Variants in LRP11 observed in about 807,000 individuals in gnomAD.
The protein encoded by LRP11 is low-density lipoprotein receptor-related protein 11.
A neutral mutation model predicts 43.1 loss-of-function variants in LRP11; 25 were observed. That is an observed-to-expected ratio of 0.58 (90% CI 0.42 to 0.81). The LOEUF (loss-of-function observed/expected upper bound fraction) is 0.81, where lower values mean the gene tolerates loss of function less well. Among genes scored for constraint, LRP11 ranks in the 30% least tolerant of loss-of-function variants. The probability of loss-of-function intolerance (pLI) is 0.00; values close to 1 mark genes in which losing one functional copy is unlikely to be tolerated. For synonymous variants in LRP11, 316 were observed against 299.4 expected, an observed-to-expected ratio of 1.06 and a Z score of -0.57; for missense variants, 623 against 665.1, an observed-to-expected ratio of 0.94 and a Z score of 0.70.
At chr6:149,845,108 G>A (rs970855205) in intron 2 of LRP11, among the ~76,000 whole-genome samples, 105 of 152,344 alleles carry the variant, frequency 6.9e-4, no homozygotes, top group Non-Finnish European at 1.4e-3. Context: ...CCAGCTGGCT[G>A]ATGATGTACA....
intron 3 of LRP11, among the ~76,000 whole-genome samples, chr6:149,837,760 A>G (rs1398407271): frequency 6.6e-6 from 1 of 152,036 alleles, no homozygotes; most frequent in Non-Finnish European, 1.5e-5. Flanking sequence ...TCCACCCTTG[A>G]TTCCCCGCCT....
At chr6:149,863,292 T>C in intron 1 of LRP11, 116 bp downstream of exon 1, 1 of 1,269,416 alleles carries the variant, frequency 7.9e-7, no homozygotes, top group Non-Finnish European at 1.0e-6. Flanking sequence ...CAGAAACTCT[T>C]CTGGGTGCCC....
At chr6:149,833,634 AT>A in intron 5 of LRP11, among the ~76,000 whole-genome samples, 1 of 152,198 alleles carries the variant, frequency 6.6e-6, no homozygotes, top group South Asian at 2.1e-4. Flanking sequence ...CTTTCTTTGT[AT>A]TTTTCTATAT....
chr6:149,836,064 G>A (rs746720603), intron 5 of LRP11, 21 bp downstream of exon 5: 7 of 1,605,526 alleles, frequency 4.4e-6, no homozygotes, highest in Middle Eastern at 1.6e-4. Context: ...TCTTCATTGA[G>A]AACCCACCGT....
At chr6:149,823,840 C>A (rs1776305952) in intron 6 of LRP11, among the ~76,000 whole-genome samples, 2 of 152,126 alleles carry the variant, frequency 1.3e-5, no homozygotes, top group Non-Finnish European at 2.9e-5. Flanking sequence ...TCGGTGATAA[C>A]CCTATGGACT....
At chr6:149,855,230 C>A (rs1387192970) in intron 1 of LRP11, among the ~76,000 whole-genome samples, 1 of 152,188 alleles carries the variant, frequency 6.6e-6, no homozygotes, top group Non-Finnish European at 1.5e-5. Flanking sequence ...AATGTGAAAA[C>A]AAATACATTA....
At chr6:149,839,566 C>G (rs116751429) in intron 3 of LRP11, among the ~76,000 whole-genome samples, 2,044 of 152,304 alleles carry the variant, frequency 0.013, 45 homozygotes, top group African/African-American at 0.047. Context: ...TGTAAATTTT[C>G]TATCTATTTT....
At chr6:149,822,811 TG>T (rs1439696742) in intron 6 of LRP11, among the ~76,000 whole-genome samples, 1 of 152,204 alleles carries the variant, frequency 6.6e-6, no homozygotes, top group Non-Finnish European at 1.5e-5. Context: ...TTTTGATGTA[TG>T]ATAGAGACTG....
In LRP11 at chr6:149,864,239, C is replaced by G. The variant is rs575266279; in HGVS notation, c.-219G>C. ...GAGACATAGCCGGCCCAGCCGGGCA[C>G]CGCTCCTTGCCCTCGCCGGAGACTG... On this transcript the variant is annotated 5_prime_UTR_variant, in exon 1 of 7. Coordinates refer to ENST00000239367, the MANE Select transcript of LRP11 (RefSeq NM_032832.6). The G allele has an allele frequency of 1.6e-4, 172 of 1,092,648 alleles. 1 individual carries two copies. Among genetic ancestry groups the G allele is most frequent in the Non-Finnish European group, 1.9e-4 (168 of 900,526 alleles). 67.7% of individuals were successfully genotyped at this position (1,092,648 alleles called of 1,614,324 possible). A position where few individuals can be genotyped will look rare whatever the true frequency, so the allele number is the denominator to read the frequency against.
At chr6:149,826,036 C>A in intron 6 of LRP11, 1 of 511,246 alleles carries the variant, frequency 2.0e-6, no homozygotes, top group Non-Finnish European at 3.5e-6. Context: ...ACAGGTGTCA[C>A]ACCTGGAAGG....
At chr6:149,861,144 C>T (rs1450057234) in intron 1 of LRP11, among the ~76,000 whole-genome samples, 1 of 152,152 alleles carries the variant, frequency 6.6e-6, no homozygotes, top group African/African-American at 2.4e-5. Flanking sequence ...TTTTCACATG[C>T]TCACAACCCA....
In LRP11 at chr6:149,853,038, C is replaced by A; in HGVS notation, c.736G>T (p.Ala246Ser). The A allele has an allele frequency of 6.2e-7, 1 of 1,609,896 alleles. No homozygotes were observed. Among genetic ancestry groups the A allele is most frequent in the Non-Finnish European group, 8.5e-7 (1 of 1,178,104 alleles). The change falls in exon 2 of 7, where the codon GCA (alanine) becomes TCA (serine). Residue 246 changes from alanine to serine, a missense_variant. Coordinates refer to ENST00000239367, the MANE Select transcript of LRP11 (RefSeq NM_032832.6). ...DDHAIVQYEW[A>S]LLQGDPSVDM... The stretch of plus-strand genomic sequence containing the variant: ...ACTGACGGGTCCCCCTGCAGCAGTG[C>A]CCACTCATACTGGACGATGGCGTGG...
At chr6:149,824,146 A>G (rs1040104330) in intron 6 of LRP11, among the ~76,000 whole-genome samples, 1 of 152,214 alleles carries the variant, frequency 6.6e-6, no homozygotes, top group Admixed American at 6.5e-5. Flanking sequence ...GGACCGCAAC[A>G]CCCAGCCCCA....
chr6:149,854,031 T>G (rs547714604), intron 1 of LRP11, among the ~76,000 whole-genome samples: 148 of 152,296 alleles, frequency 9.7e-4, no homozygotes, highest in African/African-American at 3.4e-3. Context: ...CTAGGAAAAT[T>G]GAAGACGTTC....
intron 3 of LRP11, 141 bp from the exon 4 acceptor site, chr6:149,837,604 GC>G: frequency 1.2e-6 from 1 of 839,060 alleles, no homozygotes; most frequent in Non-Finnish European, 1.8e-6. Context: ...AACAATTCCA[GC>G]AACAGGTTCT....
At chr6:149,828,414 T>C in intron 5 of LRP11, among the ~76,000 whole-genome samples, 1 of 152,122 alleles carries the variant, frequency 6.6e-6, no homozygotes, top group Non-Finnish European at 1.5e-5. Flanking sequence ...AGTTAATAGG[T>C]ACATATTTAA....
At position 149,837,333 on chromosome 6, in the gene LRP11, C is replaced by G; in HGVS notation, c.1039+5G>C. On this transcript the variant is annotated splice_donor_5th_base_variant and intron_variant, in intron 4 of 6. Coordinates refer to ENST00000239367, the MANE Select transcript of LRP11 (RefSeq NM_032832.6). ...CTGCCTAGCAATGTGACATAGCCAA[C>G]TCACGATTCTGGCAGAAGTCTTCAT... 8.7e-6 allele frequency: 14 copies of G among 1,613,118 alleles called. No individual in the cohort carries two copies. The highest frequency in any genetic ancestry group is 1.2e-5 in the Non-Finnish European group (14 of 1,179,678).
chr6:149,830,079 C>T lies in LRP11; in HGVS notation c.1253-3720G>A, dbSNP rs187115972. On this transcript the variant is annotated intron_variant, in intron 5 of 6. Transcript: ENST00000239367. ...AGGCTGGAGTGCACTGGCGCAATCT[C>T]GGCTCACTGCAACCTCCACCTCCTG... Among the ~76,000 whole-genome samples the T allele has an allele frequency of 2.8e-4, 41 of 147,930 alleles. No homozygotes were observed. The East Asian group carries it at 4.4e-3, about 16-fold the overall frequency.
chr6:149,863,478 G>A lies in LRP11; in HGVS notation c.543C>T (p.Tyr181=). 7.4e-7 allele frequency: 1 copy of A among 1,346,634 alleles called. No individual in the cohort carries two copies. Among genetic ancestry groups the A allele is most frequent in the Non-Finnish European group, 9.5e-7 (1 of 1,058,132 alleles). The allele number at this position is 1,346,634 out of a possible 1,614,324, so 83.4% of individuals were successfully genotyped here. A position where few individuals can be genotyped will look rare whatever the true frequency, so the allele number is the denominator to read the frequency against. ...GCGCGCGGCTGAGGCTGTAGCTGCT[G>A]TAGCCGCTGTGCAGCGCGAACTTGC... ...NVCKFALHSG[Y]SSYSLSRAPD... Residue 181 remains tyrosine (Y), a synonymous_variant, in exon 1 of 7, where the codon TAC becomes TAT. Coordinates refer to ENST00000239367, the MANE Select transcript of LRP11 (RefSeq NM_032832.6).
Sources: gnomAD v4.1 joint callset for allele counts (sites outside exome capture counted in the v4.1 genomes callset) on GRCh38, gnomAD v4.1.1 for gene constraint, MANE v1.5 for transcripts, NCBI Gene and HGNC (gene_info 2026-07-23, HGNC 2026-07-21) for gene names.